Variants in ASPG observed in about 807,000 individuals in gnomAD.
The protein encoded by ASPG is 60 kDa lysophospholipase.
A neutral mutation model predicts 63.2 loss-of-function variants in ASPG; 53 were observed. The ratio of observed to expected loss-of-function variants is 0.84; its 90% CI spans 0.67 to 1.05. The LOEUF is 1.05. Ranked by LOEUF, ASPG falls within the 50% of genes least tolerant of loss-of-function variation. The probability of loss-of-function intolerance (pLI) is 0.00; values close to 1 mark genes in which losing one functional copy is unlikely to be tolerated. For missense variants in ASPG, 741 were observed against 794.4 expected (o/e 0.93, Z 0.81); for synonymous variants, 370 against 355.0 (o/e 1.04, Z -0.48).
intron 12 of ASPG, chr14:104,108,685 C>T (rs760698809): frequency 7.8e-5 from 77 of 985,314 alleles, no homozygotes; most frequent in Non-Finnish European, 7.7e-5. Flanking sequence ...GCTAGAGCCC[C>T]GACCCCACCC....
intron 5 of ASPG, among the ~76,000 whole-genome samples, chr14:104,098,188 A>G (rs1243748783): frequency 6.6e-6 from 1 of 152,128 alleles, no homozygotes; most frequent in African/African-American, 2.4e-5. Context: ...TGCGTTAGAG[A>G]TGCGTATGGA....
In ASPG at chr14:104,104,607, G is replaced by A. The variant is rs373953712; in HGVS notation, c.937-15G>A. Reference sequence around the variant, plus strand: ...GGTGAGTCGCCCTTCCTGCCCACACGCCCCCTCCTCACAGGCCATGGCGGG... The same window carrying A: ...GGTGAGTCGCCCTTCCTGCCCACACACCCCCTCCTCACAGGCCATGGCGGG... On this transcript the variant is annotated splice_polypyrimidine_tract_variant and intron_variant, in intron 8 of 15. Transcript: ENST00000551177. 404 of 1,597,928 alleles carry A rather than the reference G, an allele frequency of 2.5e-4. 3 individuals carry two copies. The highest frequency in any genetic ancestry group is 1.2e-4 in the Non-Finnish European group (144 of 1,170,910).
chr14:104,097,020 C>T lies in ASPG; in HGVS notation c.430-534C>T, dbSNP rs144232680. Among the ~76,000 whole-genome samples the T allele has an allele frequency of 4.5e-3, 685 of 152,360 alleles. 6 individuals are homozygous for T. The highest frequency in any genetic ancestry group is 0.016 in the African/African-American group (651 of 41,590). On this transcript the variant is annotated intron_variant, in intron 4 of 15. Coordinates refer to ENST00000551177, the MANE Select transcript of ASPG (RefSeq NM_001080464.3). ...AGGAGCTGTACTGTGCCTGGCATCCCGAGGCAGTTCCTTTCTGTCACAGCC... is the reference window on the plus strand; with the variant it reads ...AGGAGCTGTACTGTGCCTGGCATCCTGAGGCAGTTCCTTTCTGTCACAGCC...
At chr14:104,112,077 C>T (rs1006533760) in intron 15 of ASPG, 77 bp downstream of exon 15, 3 of 1,367,666 alleles carry the variant, frequency 2.2e-6, no homozygotes, top group Non-Finnish European at 3.0e-6. Flanking sequence ...CTCGGGGGGG[C>T]GTAATCAAGG....
chr14:104,097,997 G>GTTAGAGATGCGTATGGAGGTTCTC (rs2036687407), intron 5 of ASPG, among the ~76,000 whole-genome samples: 1 of 62,358 alleles, frequency 1.6e-5, no homozygotes, highest in Non-Finnish European at 3.8e-5. Context: ...TGGAGGTTCT[G>GTTAGAGATGCGTATGGAGGTTCTC]CGTTAGAGAT....
In ASPG at chr14:104,107,335, G is replaced by T. The variant is rs774313589; in HGVS notation, c.1423G>T (p.Val475Leu). 2 of 1,579,142 alleles carry T rather than the reference G, an allele frequency of 1.3e-6. No homozygotes were observed. The highest frequency in any genetic ancestry group is 8.6e-7 in the Non-Finnish European group (1 of 1,160,674). The change falls in exon 12 of 16, where the codon GTG (valine) becomes TTG (leucine). Residue 475 changes from valine to leucine, a missense_variant. Coordinates refer to ENST00000551177, the MANE Select transcript of ASPG (RefSeq NM_001080464.3). ...TGGCTTCAGCCCGCTGCTGCTGGCCGTGCGGGGCAGGTAATGGAGCTAGGG... is the reference window on the plus strand; with the variant it reads ...TGGCTTCAGCCCGCTGCTGCTGGCCTTGCGGGGCAGGTAATGGAGCTAGGG... ...TDGFSPLLLA[V>L]RGRHPGVIGL...
At chr14:104,095,461 C>G in intron 3 of ASPG, 70 bp from the exon 4 acceptor site, 2 of 1,600,610 alleles carry the variant, frequency 1.2e-6, no homozygotes, top group Non-Finnish European at 1.7e-6. Context: ...GACCCTTTCC[C>G]CCATGCTGCA....
At chr14:104,107,851 G>A (rs916736595) in intron 12 of ASPG, among the ~76,000 whole-genome samples, 3 of 152,060 alleles carry the variant, frequency 2.0e-5, no homozygotes, top group African/African-American at 4.8e-5. Context: ...TGGGATCTGC[G>A]TCCCGTCTCC....
In ASPG at chr14:104,091,750, G is replaced by T. The variant is rs548604681; in HGVS notation, c.83-883G>T. ...GATGGGTACAGCTGCAGAGGGCGAG[G>T]GGGGAAAGCAGGTGACCATGGCTGG... On this transcript the variant is annotated intron_variant, in intron 1 of 15. Transcript: ENST00000551177. This position sits in a 1 kb window ranked among gnomAD's most constrained non-coding sequence, Gnocchi z 6.4. Among the ~76,000 whole-genome samples the T allele has an allele frequency of 5.9e-5, 9 of 152,010 alleles. No homozygotes were observed. The highest frequency in any genetic ancestry group is 2.2e-4 in the African/African-American group (9 of 41,424).
At chr14:104,108,402 A>ACTG in intron 12 of ASPG, 10 of 985,334 alleles carry the variant, frequency 1.0e-5, no homozygotes, top group Non-Finnish European at 1.2e-5. Context: ...TCACAGGACC[A>ACTG]GGCTCACAGC....
In ASPG at chr14:104,098,814, G is replaced by T. The variant is rs776607033; in HGVS notation, c.514-39G>T. ...GGAGGGCAGATGGGTCGGGGACAGG[G>T]TGGCCGCTGCTCTGAACTCTGTCGC... On this transcript the variant is annotated intron_variant, in intron 5 of 15. Transcript: ENST00000551177. 63 of 1,602,162 alleles carry T rather than the reference G, an allele frequency of 3.9e-5. No homozygotes were observed. In the Admixed American group the frequency reaches 1.0e-3, roughly 26 times the overall value.
At position 104,095,580 on chromosome 14, in the gene ASPG, C is replaced by A. The variant is rs1163997676; in HGVS notation, c.353C>A (p.Thr118Asn). Residue 118 changes from threonine to asparagine, a missense_variant, in exon 4 of 16, where the codon ACC becomes AAC. Transcript: ENST00000551177. Reference protein sequence around the residue: ...HGFVVIHGTDTMAFAASMLSF... With the variant: ...HGFVVIHGTDNMAFAASMLSF... The stretch of plus-strand genomic sequence containing the variant: ...TTTGTGGTCATCCACGGCACCGACA[C>A]CATGGCCTTTGCTGCCTCGATGCTG... 1.2e-6 allele frequency: 2 copies of A among 1,613,294 alleles called. No homozygotes were observed. The highest frequency in any genetic ancestry group is 1.1e-5 in the South Asian group (1 of 91,090).
chr14:104,092,637 T>C lies in ASPG; in HGVS notation c.87T>C (p.Leu29=), dbSNP rs2140983008. The change falls in exon 2 of 16, where the codon CTT becomes CTC. Residue 29 remains leucine (L), a synonymous_variant. Coordinates refer to ENST00000551177, the MANE Select transcript of ASPG (RefSeq NM_001080464.3). ...CCACCTGGACTCTGCCTGCAGTGCTTGTGCCCGGGACGGGCCTGGCTGCCA... is the reference window on the plus strand; with the variant it reads ...CCACCTGGACTCTGCCTGCAGTGCTCGTGCCCGGGACGGGCCTGGCTGCCA... ...TIGMRSELGV[L]VPGTGLAAIL... is the part of the protein sequence containing the mutation. 6.5e-7 allele frequency: 1 copy of C among 1,535,340 alleles called. No individual in the cohort carries two copies. The highest frequency in any genetic ancestry group is 1.2e-5 in the South Asian group (1 of 84,000).
intron 1 of ASPG, among the ~76,000 whole-genome samples, chr14:104,090,066 C>T (rs906008077): frequency 2.6e-5 from 4 of 151,928 alleles, no homozygotes; most frequent in African/African-American, 9.7e-5. Flanking sequence ...ATCAGCCTCC[C>T]AAAATTCTGG....
intron 4 of ASPG, 79 bp from the exon 5 acceptor site, chr14:104,097,475 G>A (rs1050017782): frequency 3.6e-6 from 5 of 1,407,722 alleles, no homozygotes; most frequent in South Asian, 2.7e-5. Context: ...GGGCCTGGGG[G>A]TTTACCTGGA....
chr14:104,087,486 G>T (rs1247380694), intron 1 of ASPG, among the ~76,000 whole-genome samples: 1 of 152,186 alleles, frequency 6.6e-6, no homozygotes, highest in African/African-American at 2.4e-5. Flanking sequence ...GCCCAGGGAG[G>T]GCTTCTCTGA....
intron 13 of ASPG, 126 bp from the exon 14 acceptor site, chr14:104,111,376 G>A (rs931121037): frequency 7.7e-6 from 8 of 1,039,130 alleles, no homozygotes; most frequent in African/African-American, 6.5e-5. Flanking sequence ...GGACCAGGTC[G>A]CTGCTGGGTC....
intron 6 of ASPG, 91 bp from the exon 7 acceptor site, chr14:104,103,472 G>A (rs529573829): frequency 9.0e-7 from 1 of 1,108,798 alleles, no homozygotes; most frequent in African/African-American, 1.6e-5. Flanking sequence ...AACAAGGGAG[G>A]AGGCGGCCTG....
In ASPG at chr14:104,085,717, G is replaced by A; in HGVS notation, c.-54G>A. ...CTCCGCGCAGTCCCTGAGTCCCGCA[G>A]GCCCTGCGTCCCCGCTGCACACCCC... On this transcript the variant is annotated 5_prime_UTR_variant, in exon 1 of 16. Transcript: ENST00000551177. The A allele has an allele frequency of 2.1e-6, 3 of 1,451,118 alleles. No homozygotes were observed. Among genetic ancestry groups the A allele is most frequent in the Non-Finnish European group, 2.7e-6 (3 of 1,103,880 alleles). The allele number at this position is 1,451,118 out of a possible 1,614,324, so 89.9% of individuals were successfully genotyped here. A position where few individuals can be genotyped will look rare whatever the true frequency, so the allele number is the denominator to read the frequency against.
Sources: gnomAD v4.1 joint callset for allele counts (sites outside exome capture counted in the v4.1 genomes callset) on GRCh38, gnomAD v4.1.1 for gene constraint, Gnocchi (gnomAD v3.1) non-coding constraint, MANE v1.5 for transcripts, NCBI Gene and HGNC (gene_info 2026-07-23, HGNC 2026-07-21) for gene names.